Variants in ADAM12 observed in about 807,000 individuals in gnomAD.
The protein encoded by ADAM12 is disintegrin and metalloproteinase domain-containing protein 12.
Under a neutral mutation model 106.4 loss-of-function variants are expected in ADAM12, and 70 were observed. The observed-to-expected ratio is 0.66, with a 90% CI of 0.54 to 0.80. The LOEUF is 0.80. ADAM12 is among the 30% of genes least tolerant of loss of function. The probability of loss-of-function intolerance (pLI) is 0.00; values close to 1 mark genes in which losing one functional copy is unlikely to be tolerated. For missense variants in ADAM12, 1,010 were observed against 1,171.9 expected, an observed-to-expected ratio of 0.86 and a Z score of 2.02; for synonymous variants, 420 against 433.5, an observed-to-expected ratio of 0.97 and a Z score of 0.39.
chr10:126,047,984 C>T (rs1232947200), intron 16 of ADAM12, among the ~76,000 whole-genome samples: 1 of 152,176 alleles, frequency 6.6e-6, no homozygotes, highest in Non-Finnish European at 1.5e-5. Context: ...GAGATCATGT[C>T]CTTTGCAGGA....
intron 3 of ADAM12, among the ~76,000 whole-genome samples, chr10:126,258,521 A>G (rs1405416856): frequency 2.6e-5 from 4 of 152,140 alleles, no homozygotes; most frequent in African/African-American, 9.7e-5. Context: ...CAATCCATCC[A>G]TGCCCTACTT....
rs181520645 is a variant in ADAM12, at chr10:126,272,779, C to T, written c.260+6136G>A. ...GAGGGAGGGTCCAGGCCATGTGCTG[C>T]CTCCAGGGGAGCCCCTCAGGCTATG... On this transcript the variant is annotated intron_variant, in intron 3 of 22. Transcript: ENST00000448723. 2.5e-3 allele frequency: 731 copies of T among 288,134 alleles called. 3 individuals are homozygous for T. The highest frequency in any genetic ancestry group is 4.7e-3 in the Non-Finnish European group (641 of 137,102). 17.8% of individuals were successfully genotyped at this position (288,134 alleles called of 1,614,324 possible). A position where few individuals can be genotyped will look rare whatever the true frequency, so the allele number is the denominator to read the frequency against.
At chr10:126,035,407 TATTATTA>T (rs1954041572) in intron 21 of ADAM12, among the ~76,000 whole-genome samples, 1 of 152,204 alleles carries the variant, frequency 6.6e-6, no homozygotes, top group African/African-American at 2.4e-5. Context: ...AGTATAGTGT[TATTATTA>T]AATAGGATTT....
intron 21 of ADAM12, among the ~76,000 whole-genome samples, chr10:126,022,934 T>C (rs1307139436): frequency 6.6e-6 from 1 of 152,224 alleles, no homozygotes; most frequent in African/African-American, 2.4e-5. Flanking sequence ...TATTTCAGAT[T>C]TTTTAGAGGT....
In ADAM12 at chr10:126,043,110, G is replaced by A; in HGVS notation, c.2034C>T (p.His678=). The change falls in exon 18 of 23, where the codon CAC becomes CAT. Residue 678 remains histidine, a synonymous_variant. Coordinates refer to ENST00000448723, the MANE Select transcript of ADAM12 (RefSeq NM_001288973.2). The surrounding 1 kb of genome is among the most constrained non-coding windows in gnomAD (Gnocchi z 4.1). Reference sequence around the variant, plus strand: ...ACTTGTCACAGAAGGGAGGTGCCCAGTGGGCCTCGCAGTGGCAGTTCTTCC... The same window carrying A: ...ACTTGTCACAGAAGGGAGGTGCCCAATGGGCCTCGCAGTGGCAGTTCTTCC... ...NNRKNCHCEA[H]WAPPFCDKFG... is the part of the protein sequence containing the mutation. The A allele has an allele frequency of 1.2e-6, 2 of 1,614,210 alleles. No individual in the cohort carries two copies. The highest frequency in any genetic ancestry group is 1.6e-4 in the Middle Eastern group (1 of 6,062).
intron 6 of ADAM12, among the ~76,000 whole-genome samples, chr10:126,117,768 T>TA (rs1956012999): frequency 1.1e-5 from 1 of 89,222 alleles, no homozygotes; most frequent in Non-Finnish European, 2.2e-5. Flanking sequence ...TGGGGGGGCG[T>TA]AATTTTGTCA....
intron 1 of ADAM12, among the ~76,000 whole-genome samples, chr10:126,375,894 A>G (rs1856274077): frequency 6.6e-6 from 1 of 150,502 alleles, no homozygotes; most frequent in Non-Finnish European, 1.5e-5. Flanking sequence ...CTACAGGTGC[A>G]TGCCACATAT....
intron 2 of ADAM12, among the ~76,000 whole-genome samples, chr10:126,328,755 T>C (rs1394952801): frequency 6.6e-6 from 1 of 152,220 alleles, no homozygotes; most frequent in Non-Finnish European, 1.5e-5. Context: ...AGTAGGTGTA[T>C]GCCTGTCACC....
intron 18 of ADAM12, chr10:126,042,239 TC>T: frequency 6.2e-7 from 1 of 1,613,004 alleles, no homozygotes. Flanking sequence ...CTTGCTTCTT[TC>T]CCTCGAAAAG....
chr10:126,280,450 C>T (rs1959518365), intron 2 of ADAM12, among the ~76,000 whole-genome samples: 1 of 152,188 alleles, frequency 6.6e-6, no homozygotes, highest in Non-Finnish European at 1.5e-5. Context: ...ATACTGGACA[C>T]ATTGCCAGAC....
chr10:126,255,270 T>G (rs550408221), intron 3 of ADAM12, among the ~76,000 whole-genome samples: 10 of 152,338 alleles, frequency 6.6e-5, no homozygotes, highest in African/African-American at 2.2e-4. Context: ...TTGTGAGGCC[T>G]GAGAACTGAA....
intron 1 of ADAM12, among the ~76,000 whole-genome samples, chr10:126,387,646 C>A (rs1302048422): frequency 6.6e-6 from 1 of 152,096 alleles, no homozygotes; most frequent in African/African-American, 2.4e-5. Context: ...GGAAAGGAAA[C>A]CTGGTGAAGG....
rs556832978 is a variant in ADAM12, at chr10:126,259,450, A to C, written c.260+19465T>G. On this transcript the variant is annotated intron_variant, in intron 3 of 22. Coordinates refer to ENST00000448723, the MANE Select transcript of ADAM12 (RefSeq NM_001288973.2). The stretch of plus-strand genomic sequence containing the variant: ...TTCAATATTTTTGCAAAGTTTGTTT[A>C]CTGAAAAGAGCGATCACATGCTTTC... Among the ~76,000 whole-genome samples, 23 of 152,214 alleles carry C rather than the reference A, an allele frequency of 1.5e-4. 1 individual carries two copies. The highest frequency in any genetic ancestry group is 2.6e-4 in the Non-Finnish European group (18 of 68,034).
intron 3 of ADAM12, among the ~76,000 whole-genome samples, chr10:126,248,184 G>A (rs1958666776): frequency 6.6e-6 from 1 of 152,164 alleles, no homozygotes; most frequent in South Asian, 2.1e-4. Context: ...TGGGTAGTGG[G>A]AAGAATTAAA....
chr10:126,322,522 G>A (rs1854136255), intron 2 of ADAM12, among the ~76,000 whole-genome samples: 1 of 152,192 alleles, frequency 6.6e-6, no homozygotes, highest in Non-Finnish European at 1.5e-5. Context: ...TACACATCCA[G>A]GAACTCCCAG....
intron 14 of ADAM12, among the ~76,000 whole-genome samples, chr10:126,057,917 G>A (rs1458982092): frequency 6.6e-6 from 1 of 152,216 alleles, no homozygotes; most frequent in Non-Finnish European, 1.5e-5. Context: ...GTTAATTGGA[G>A]CTAACTTTCC....
chr10:126,322,733 C>T (rs1854147106), intron 2 of ADAM12, among the ~76,000 whole-genome samples: 1 of 152,182 alleles, frequency 6.6e-6, no homozygotes, highest in South Asian at 2.1e-4. Flanking sequence ...AATGACAAGC[C>T]CAACGCCACA....
intron 3 of ADAM12, among the ~76,000 whole-genome samples, chr10:126,275,768 C>G (rs1959225509): frequency 6.6e-6 from 1 of 152,124 alleles, no homozygotes; most frequent in African/African-American, 2.4e-5. Context: ...TAGCAATCTT[C>G]TTTTCAACCA....
At chr10:126,035,565 T>C (rs115102907) in intron 21 of ADAM12, among the ~76,000 whole-genome samples, 2,782 of 152,244 alleles carry the variant, frequency 0.018, 82 homozygotes, top group East Asian at 0.11. Context: ...GATTATCTCC[T>C]ACTTATTTGC....
Sources: gnomAD v4.1 joint callset for allele counts (sites outside exome capture counted in the v4.1 genomes callset) on GRCh38, gnomAD v4.1.1 for gene constraint, Gnocchi (gnomAD v3.1) non-coding constraint, MANE v1.5 for transcripts, NCBI Gene and HGNC (gene_info 2026-07-23, HGNC 2026-07-21) for gene names.